FHIT: variants seen among roughly 807,000 people sequenced by gnomAD.
The protein encoded by FHIT is bis(5'-adenosyl)-triphosphatase.
FHIT carries 19 observed loss-of-function variants against 17.9 expected under a neutral mutation model. The observed-to-expected ratio is 1.06, with a 90% CI of 0.74 to 1.56. The LOEUF is 1.56. FHIT is among the 40% of genes most tolerant of loss of function. The pLI, the probability that FHIT is intolerant of heterozygous loss-of-function variation, is 0.00. For missense variants in FHIT, 248 were observed against 189.2 expected, an observed-to-expected ratio of 1.31 and a Z score of -1.82; for synonymous variants, 81 against 69.7, an observed-to-expected ratio of 1.16 and a Z score of -0.81.
chr3:60,599,870 T>G (rs1179413978), intron 4 of FHIT, among the ~76,000 whole-genome samples: 1 of 152,024 alleles, frequency 6.6e-6, no homozygotes, highest in South Asian at 2.1e-4. Context: ...CTATTGACAT[T>G]TTAGACCACA....
rs114823305 is a variant in FHIT at position 60,063,803 on chromosome 3, T to A, written c.104-49651A>T. Among the ~76,000 whole-genome samples the A allele has an allele frequency of 9.0e-3, 1,373 of 152,158 alleles. 16 individuals carry two copies. Among genetic ancestry groups the A allele is most frequent in the African/African-American group, 0.031 (1,305 of 41,502 alleles). Reference sequence around the variant, plus strand: ...AGAATGTCCTTTGTAGTATTGCCCATAAAAACAAACAAAAAAATGGAGAAG... The same window carrying A: ...AGAATGTCCTTTGTAGTATTGCCCAAAAAAACAAACAAAAAAATGGAGAAG... On this transcript the variant is annotated intron_variant, in intron 5 of 9. Coordinates refer to ENST00000492590, the MANE Select transcript of FHIT (RefSeq NM_002012.4).
chr3:60,798,751 G>GTTTTT, intron 4 of FHIT, among the ~76,000 whole-genome samples: 2 of 125,678 alleles, frequency 1.6e-5, no homozygotes, highest in Non-Finnish European at 3.3e-5. Context: ...TACTGCAATA[G>GTTTTT]CTTTTTTTTT....
At position 59,860,326 on chromosome 3, in the gene FHIT, G is replaced by A. The variant is rs114035852; in HGVS notation, c.348+62020C>T. ...ACTTACAAAAAGAAAAAGAAGATTCGGTATAAAGAAGGAGAGAAGGGTGAC... is the reference window on the plus strand; with the variant it reads ...ACTTACAAAAAGAAAAAGAAGATTCAGTATAAAGAAGGAGAGAAGGGTGAC... On this transcript the variant is annotated intron_variant, in intron 8 of 9. Transcript: ENST00000492590. Among the ~76,000 whole-genome samples, 656 of 152,184 alleles carry A rather than the reference G, an allele frequency of 4.3e-3. 4 individuals are homozygous for A. The highest frequency in any genetic ancestry group is 0.014 in the African/African-American group (601 of 41,506).
At chr3:60,681,316 C>T (rs181163512) in intron 4 of FHIT, among the ~76,000 whole-genome samples, 1 of 152,216 alleles carries the variant, frequency 6.6e-6, no homozygotes, top group East Asian at 1.9e-4. Flanking sequence ...AGATGGTGAA[C>T]TTTATCAGTA....
At chr3:61,250,227 C>G (rs1485240978) in intron 1 of FHIT, among the ~76,000 whole-genome samples, 7 of 152,224 alleles carry the variant, frequency 4.6e-5, no homozygotes, top group African/African-American at 1.7e-4. Flanking sequence ...CTGCAACTCC[C>G]AGAAGCCTCC....
rs565036674 is a variant in FHIT, at chr3:60,478,236, T to C, written c.103+58624A>G. Among the ~76,000 whole-genome samples the C allele has an allele frequency of 2.0e-5, 3 of 152,286 alleles. No homozygotes were observed. The East Asian group carries it at 5.8e-4, about 29-fold the overall frequency. On this transcript the variant is annotated intron_variant, in intron 5 of 9. Transcript: ENST00000492590. ...ATGAGACAAAGGAAGTTCACACAGCTACCAAAATTGGGAACCAGGAATTAA... is the reference window on the plus strand; with the variant it reads ...ATGAGACAAAGGAAGTTCACACAGCCACCAAAATTGGGAACCAGGAATTAA...
chr3:60,927,200 C>G (rs1396593308), intron 3 of FHIT, among the ~76,000 whole-genome samples: 1 of 152,174 alleles, frequency 6.6e-6, no homozygotes, highest in Non-Finnish European at 1.5e-5. Flanking sequence ...GGGGTTTCGC[C>G]GTGTTGGCCG....
At chr3:60,806,380 T>C (rs1220182414) in intron 4 of FHIT, among the ~76,000 whole-genome samples, 2 of 152,238 alleles carry the variant, frequency 1.3e-5, no homozygotes, top group African/African-American at 4.8e-5. Context: ...TTTATCTGAA[T>C]CTTTTCTTTT....
intron 8 of FHIT, among the ~76,000 whole-genome samples, chr3:59,847,027 A>G (rs34819971): frequency 0.028 from 4,335 of 152,204 alleles, 93 homozygotes; most frequent in Non-Finnish European, 0.046. Flanking sequence ...CTGACTTTCA[A>G]TAGTAGTATT....
intron 5 of FHIT, among the ~76,000 whole-genome samples, chr3:60,035,458 G>A (rs200516179): frequency 1.3e-5 from 2 of 152,154 alleles, no homozygotes; most frequent in Non-Finnish European, 2.9e-5. Flanking sequence ...GGCTAGTCTC[G>A]AACTCCTTGC....
intron 5 of FHIT, among the ~76,000 whole-genome samples, chr3:60,132,498 C>A (rs781666751): frequency 6.6e-6 from 1 of 152,144 alleles, no homozygotes; most frequent in Non-Finnish European, 1.5e-5. Flanking sequence ...AACATTACTA[C>A]AGGCCCTTGA....
In FHIT at chr3:61,011,954, T is replaced by C. The variant is rs1161283740; in HGVS notation, c.-111+30093A>G. On this transcript the variant is annotated intron_variant, in intron 3 of 9. Transcript: ENST00000492590. ...GTTTAATTGAATGTGAAAACCCAAG[T>C]TGAAAGAAAGTAGGCCTGACCTAGC... Among the ~76,000 whole-genome samples the C allele has an allele frequency of 3.3e-5, 5 of 152,258 alleles. No homozygotes were observed. The East Asian group carries it at 9.7e-4, about 29-fold the overall frequency.
At chr3:60,064,119 A>G (rs1026427914) in intron 5 of FHIT, among the ~76,000 whole-genome samples, 4 of 152,226 alleles carry the variant, frequency 2.6e-5, no homozygotes, top group African/African-American at 4.8e-5. Flanking sequence ...GTCAGAGAAG[A>G]GAAGGAAAGG....
chr3:60,616,511 T>C (rs2038955683), intron 4 of FHIT, among the ~76,000 whole-genome samples: 1 of 152,194 alleles, frequency 6.6e-6, no homozygotes, highest in South Asian at 2.1e-4. Context: ...AAAGTTAATA[T>C]ACAAAGTCAA....
At chr3:60,707,807 T>A (rs1240747569) in intron 4 of FHIT, among the ~76,000 whole-genome samples, 2 of 152,248 alleles carry the variant, frequency 1.3e-5, no homozygotes, top group Non-Finnish European at 2.9e-5. Flanking sequence ...GGTGAGGATG[T>A]AAATTGGAAT....
intron 4 of FHIT, among the ~76,000 whole-genome samples, chr3:60,559,013 G>A (rs182483725): frequency 3.3e-5 from 5 of 152,184 alleles, no homozygotes; most frequent in East Asian, 3.9e-4. Context: ...CATATTCTAC[G>A]GTAATCCTCT....
At chr3:59,847,523 T>A (rs192435897) in intron 8 of FHIT, among the ~76,000 whole-genome samples, 217 of 152,318 alleles carry the variant, frequency 1.4e-3, no homozygotes, top group Non-Finnish European at 2.5e-3. Flanking sequence ...TTTTTGATCA[T>A]CTCTATGATA....
intron 4 of FHIT, among the ~76,000 whole-genome samples, chr3:60,545,329 T>G (rs907438776): frequency 6.6e-6 from 1 of 152,198 alleles, no homozygotes; most frequent in Non-Finnish European, 1.5e-5. Context: ...GTTCTTTGGC[T>G]TTTATGAATT....
intron 7 of FHIT, among the ~76,000 whole-genome samples, chr3:59,937,669 G>A (rs537076058): frequency 2.6e-5 from 4 of 152,228 alleles, no homozygotes; most frequent in South Asian, 4.1e-4. Context: ...TGCTTTGACC[G>A]TTACTACAAA....
Sources: gnomAD v4.1 joint callset for allele counts (sites outside exome capture counted in the v4.1 genomes callset) on GRCh38, gnomAD v4.1.1 for gene constraint, MANE v1.5 for transcripts, NCBI Gene and HGNC (gene_info 2026-07-23, HGNC 2026-07-21) for gene names.